The following KHDRBS2 variants were observed in gnomAD, a reference collection of about 807,000 sequenced individuals.
KHDRBS2 encodes the protein KH domain-containing, RNA-binding, signal transduction-associated protein 2.
In KHDRBS2, 26 loss-of-function variants were observed where a neutral mutation model predicts 44.3. That is an observed-to-expected ratio of 0.59 (90% CI 0.43 to 0.81). KHDRBS2 has a LOEUF of 0.81. Among genes scored for constraint, KHDRBS2 ranks in the 40% least tolerant of loss-of-function variants. The pLI is 0.00. For synonymous variants in KHDRBS2, 194 were observed against 151.1 expected, an observed-to-expected ratio of 1.28 and a Z score of -2.08; for missense variants, 476 against 433.1, an observed-to-expected ratio of 1.10 and a Z score of -0.88.
intron 4 of KHDRBS2, among the ~76,000 whole-genome samples, chr6:61,957,031 T>A (rs1184727869): frequency 6.6e-6 from 1 of 152,136 alleles, no homozygotes; most frequent in African/African-American, 2.4e-5. Flanking sequence ...TGAACATTTA[T>A]TAGTTCCCCA....
chr6:61,813,953 A>T (rs887803312), intron 6 of KHDRBS2: 4 of 454,898 alleles, frequency 8.8e-6, no homozygotes, highest in African/African-American at 8.0e-5. Context: ...CTGATGAACA[A>T]CTCAGTCCCA....
At chr6:61,559,121 C>T in the KHDRBS2 span, among the ~76,000 whole-genome samples, 2 of 152,082 alleles carry the variant, frequency 1.3e-5, no homozygotes, top group South Asian at 4.1e-4. Context: ...TATATATTTA[C>T]AAGCATTATA....
chr6:61,626,826 T>C, the KHDRBS2 span, among the ~76,000 whole-genome samples: 4 of 152,232 alleles, frequency 2.6e-5, no homozygotes, highest in African/African-American at 9.6e-5. Flanking sequence ...ACCTTTTACT[T>C]TGTGGCTGAA....
intron 6 of KHDRBS2, among the ~76,000 whole-genome samples, chr6:61,767,999 G>C (rs1202288404): frequency 6.6e-6 from 1 of 151,990 alleles, no homozygotes; most frequent in Non-Finnish European, 1.5e-5. Flanking sequence ...GTTTTTATTG[G>C]TAAAGTCCTT....
At chr6:62,067,316 A>G (rs1254099022) in intron 2 of KHDRBS2, among the ~76,000 whole-genome samples, 2 of 151,560 alleles carry the variant, frequency 1.3e-5, no homozygotes, top group Non-Finnish European at 3.0e-5. Flanking sequence ...ACATATTTTA[A>G]AGGAAGTTTT....
chr6:61,639,595 C>T, the KHDRBS2 span, among the ~76,000 whole-genome samples: 1 of 152,036 alleles, frequency 6.6e-6, no homozygotes, highest in Non-Finnish European at 1.5e-5. Context: ...AGTCCCTATA[C>T]TACTTAAGTT....
chr6:62,040,714 T>C (rs945235604), intron 3 of KHDRBS2, among the ~76,000 whole-genome samples: 1 of 152,110 alleles, frequency 6.6e-6, no homozygotes, highest in Non-Finnish European at 1.5e-5. Flanking sequence ...AGCATCAGGA[T>C]TTTCAGAATC....
chr6:61,946,145 C>A (rs1813337924), intron 4 of KHDRBS2, among the ~76,000 whole-genome samples: 1 of 152,092 alleles, frequency 6.6e-6, no homozygotes, highest in African/African-American at 2.4e-5. Flanking sequence ...TCTTAAAGAC[C>A]AGATAATCAA....
At chr6:62,161,811 G>T (rs1174865313) in intron 2 of KHDRBS2, among the ~76,000 whole-genome samples, 2 of 151,310 alleles carry the variant, frequency 1.3e-5, no homozygotes, top group African/African-American at 4.9e-5. Context: ...TTTTCTTTGT[G>T]ACTGCCATGG....
At chr6:61,577,921 T>C in the KHDRBS2 span, among the ~76,000 whole-genome samples, 2 of 152,174 alleles carry the variant, frequency 1.3e-5, no homozygotes, top group Non-Finnish European at 2.9e-5. Context: ...TCACAAAAGT[T>C]AAACTTGACA....
the KHDRBS2 span, among the ~76,000 whole-genome samples, chr6:61,555,751 G>A: frequency 6.6e-6 from 1 of 152,146 alleles, no homozygotes; most frequent in Non-Finnish European, 1.5e-5. Context: ...GGGTTCAGTT[G>A]ACTGGCTTCA....
intron 2 of KHDRBS2, among the ~76,000 whole-genome samples, chr6:62,057,928 A>T (rs564746899): frequency 3.9e-5 from 6 of 152,088 alleles, no homozygotes; most frequent in Admixed American, 3.9e-4. Context: ...GTGTCAGGCC[A>T]TTTTAAGAAA....
the KHDRBS2 span, among the ~76,000 whole-genome samples, chr6:61,596,963 C>T: frequency 6.6e-6 from 1 of 152,044 alleles, no homozygotes; most frequent in Non-Finnish European, 1.5e-5. Context: ...TTTGTACTTC[C>T]AAAGGGATGA....
chr6:61,791,026 T>A (rs1784556462), intron 6 of KHDRBS2, among the ~76,000 whole-genome samples: 1 of 151,510 alleles, frequency 6.6e-6, no homozygotes, highest in Non-Finnish European at 1.5e-5. Flanking sequence ...GTTCATTTAA[T>A]CTAAATTTTC....
intron 3 of KHDRBS2, among the ~76,000 whole-genome samples, chr6:61,998,689 C>T (rs1335812799): frequency 6.6e-6 from 1 of 151,948 alleles, no homozygotes. Context: ...TGTCCTTCTG[C>T]TTTCCAAATT....
intron 4 of KHDRBS2, among the ~76,000 whole-genome samples, chr6:61,932,009 A>G (rs1214355931): frequency 1.3e-5 from 2 of 152,096 alleles, no homozygotes; most frequent in Non-Finnish European, 2.9e-5. Flanking sequence ...AGCTTACTTT[A>G]TTGTAAGAAT....
chr6:61,575,710 C>T, the KHDRBS2 span, among the ~76,000 whole-genome samples: 1 of 152,058 alleles, frequency 6.6e-6, no homozygotes, highest in Non-Finnish European at 1.5e-5. Context: ...GCCTAAATGC[C>T]CAGCAACCAA....
intron 2 of KHDRBS2, among the ~76,000 whole-genome samples, chr6:62,107,172 A>T (rs565237466): frequency 6.6e-6 from 1 of 151,444 alleles, no homozygotes; most frequent in African/African-American, 2.4e-5. Context: ...TGCAGATGAC[A>T]TGATTGTATA....
intron 6 of KHDRBS2, among the ~76,000 whole-genome samples, chr6:61,864,025 C>T (rs1797420507): frequency 6.6e-6 from 1 of 152,088 alleles, no homozygotes; most frequent in Non-Finnish European, 1.5e-5. Context: ...GAATTGAACT[C>T]CTTACTGTTA....
Sources: gnomAD v4.1 joint callset for allele counts (sites outside exome capture counted in the v4.1 genomes callset) on GRCh38, gnomAD v4.1.1 for gene constraint, MANE v1.5 for transcripts, NCBI Gene and HGNC (gene_info 2026-07-23, HGNC 2026-07-21) for gene names.